The following ADGRA3 variants were observed in gnomAD, a reference collection of about 807,000 sequenced individuals.
ADGRA3 encodes the protein adhesion G protein-coupled receptor A3, also known as G-protein coupled receptor 125.
Under a neutral mutation model 119.8 loss-of-function variants are expected in ADGRA3, and 56 were observed. The observed-to-expected ratio is 0.47, with a 90% CI of 0.38 to 0.58. The LOEUF (loss-of-function observed/expected upper bound fraction) is 0.58, where lower values mean the gene tolerates loss of function less well. Among genes scored for constraint, ADGRA3 ranks in the 20% least tolerant of loss-of-function variants. The probability of loss-of-function intolerance (pLI) is 0.00; values close to 1 mark genes in which losing one functional copy is unlikely to be tolerated. For synonymous variants in ADGRA3, 607 were observed against 623.8 expected (o/e 0.97, Z 0.40); for missense variants, 1,516 against 1,649.0 (o/e 0.92, Z 1.40).
rs916956276 is a variant in ADGRA3 at position 22,448,326 on chromosome 4, C to T, written c.474-815G>A. Among the ~76,000 whole-genome samples the T allele has an allele frequency of 1.1e-4, 17 of 152,288 alleles. No individual in the cohort carries two copies. The South Asian group carries it at 1.5e-3, about 13-fold the overall frequency. On this transcript the variant is annotated intron_variant, in intron 4 of 18. Transcript: ENST00000334304. ...TTGCTCAGGATGTACACCTCAACTT[C>T]AGGGGACTTCTAATGCTAAAATGAG...
intron 2 of ADGRA3, among the ~76,000 whole-genome samples, chr4:22,468,952 T>C (rs939925720): frequency 1.3e-5 from 2 of 152,066 alleles, no homozygotes; most frequent in African/African-American, 4.8e-5. Flanking sequence ...CTAATAATAA[T>C]GTTTTTTAGC....
At chr4:22,479,425 T>C (rs1239736933) in intron 1 of ADGRA3, among the ~76,000 whole-genome samples, 1 of 150,656 alleles carries the variant, frequency 6.6e-6, no homozygotes, top group African/African-American at 2.5e-5. Flanking sequence ...ATCACGCCAC[T>C]GCACTCCAGC....
chr4:22,388,510 C>CTAA lies in ADGRA3; in HGVS notation c.3158_3160dup (p.Val1053_Arg1054insIle). On this transcript the variant is annotated inframe_insertion, in exon 19 of 19. Transcript: ENST00000334304. ...GCAGCAAGTCATGATCCACGCAAGTCTAACATCCTCCCTATTAACACAATG... is the reference window on the plus strand; with the variant it reads ...GCAGCAAGTCATGATCCACGCAAGTCTAATAACATCCTCCCTATTAACACAATG... 1 of 1,614,100 alleles carries CTAA rather than the reference C, an allele frequency of 6.2e-7. No individual in the cohort carries two copies. The highest frequency in any genetic ancestry group is 1.3e-5 in the African/African-American group (1 of 75,030).
At chr4:22,477,641 T>A (rs1718095985) in intron 1 of ADGRA3, 1 of 152,202 alleles carries the variant, frequency 6.6e-6, no homozygotes, top group African/African-American at 2.4e-5. Flanking sequence ...CCAGAATGCT[T>A]CGGCCAAAGG....
intron 1 of ADGRA3, among the ~76,000 whole-genome samples, chr4:22,499,289 T>C (rs1208680056): frequency 4.6e-5 from 7 of 152,206 alleles, no homozygotes; most frequent in African/African-American, 7.2e-5. Flanking sequence ...TGTAAAATCA[T>C]AGAACTTTAG....
Position 22,433,455 on chromosome 4 carries a change from A to G in ADGRA3, c.1443+1856T>C, listed in dbSNP as rs558280804. 9.2e-5 allele frequency among the ~76,000 whole-genome samples: 14 copies of G among 152,286 alleles called. No individual in the cohort carries two copies. The South Asian group carries it at 2.1e-3, about 23-fold the overall frequency. ...ATTATACAGAGAAAATAGCATCCCCATTTGAAAAATGAAGAATAAGCCCAT... is the reference window on the plus strand; with the variant it reads ...ATTATACAGAGAAAATAGCATCCCCGTTTGAAAAATGAAGAATAAGCCCAT... On this transcript the variant is annotated intron_variant, in intron 10 of 18. Transcript: ENST00000334304.
At chr4:22,415,286 T>C (rs1188970780) in intron 12 of ADGRA3, among the ~76,000 whole-genome samples, 1 of 152,218 alleles carries the variant, frequency 6.6e-6, no homozygotes, top group African/African-American at 2.4e-5. Flanking sequence ...AATGATTGAC[T>C]TTAGAATTAA....
chr4:22,408,281 A>G (rs191458454), intron 14 of ADGRA3, among the ~76,000 whole-genome samples: 30 of 152,156 alleles, frequency 2.0e-4, no homozygotes, highest in Admixed American at 7.2e-4. Flanking sequence ...CTAAAACAAC[A>G]ACAACAACCA....
At chr4:22,494,136 C>T (rs1389995579) in intron 1 of ADGRA3, among the ~76,000 whole-genome samples, 5 of 150,334 alleles carry the variant, frequency 3.3e-5, no homozygotes, top group Non-Finnish European at 7.4e-5. Flanking sequence ...ACCTGGGAGG[C>T]GGAGGTTGCA....
intron 10 of ADGRA3, among the ~76,000 whole-genome samples, chr4:22,432,477 C>T (rs1716223918): frequency 6.6e-6 from 1 of 152,006 alleles, no homozygotes; most frequent in South Asian, 2.1e-4. Context: ...GAAGCGATGA[C>T]ACTTTAAAAT....
intron 1 of ADGRA3, among the ~76,000 whole-genome samples, chr4:22,492,969 CCTTT>C (rs1380468147): frequency 6.8e-6 from 1 of 147,430 alleles, no homozygotes; most frequent in Non-Finnish European, 1.5e-5. Context: ...TTGATCTCCA[CCTTT>C]CTTTTTTTAA....
intron 4 of ADGRA3, among the ~76,000 whole-genome samples, chr4:22,449,417 A>G (rs1385231176): frequency 6.6e-6 from 1 of 152,156 alleles, no homozygotes; most frequent in African/African-American, 2.4e-5. Flanking sequence ...CATGGTAGGT[A>G]AAACTGAAGT....
chr4:22,427,783 G>A (rs948529963), intron 10 of ADGRA3, among the ~76,000 whole-genome samples: 1 of 152,166 alleles, frequency 6.6e-6, no homozygotes, highest in Non-Finnish European at 1.5e-5. Flanking sequence ...ACTGCAACCA[G>A]TGTAAGGAGC....
chr4:22,436,560 G>C lies in ADGRA3; in HGVS notation c.1167C>G (p.Asn389Lys). The change falls in exon 9 of 19, where the codon AAC becomes AAG. Residue 389 changes from asparagine to lysine, a missense_variant. By Grantham distance (94) the Asn-to-Lys change is moderately conservative. This residue lies in a region of ADGRA3 where 428 missense variants were observed against 541.9 expected (regional missense o/e 0.79). Transcript: ENST00000334304. ...GCCAAGCTTTTCTCTCATCCTGTGG[G>C]TTTCCGGGATATATCCCACTGCCAT... Reference protein sequence around the residue: ...NTHGSGIYPGNPQDERKAWRR... With the variant: ...NTHGSGIYPGKPQDERKAWRR... 6.2e-7 allele frequency: 1 copy of C among 1,613,966 alleles called. No homozygotes were observed. Among genetic ancestry groups the C allele is most frequent in the Non-Finnish European group, 8.5e-7 (1 of 1,179,960 alleles).
At chr4:22,432,390 A>T (rs572465404) in intron 10 of ADGRA3, among the ~76,000 whole-genome samples, 84 of 151,758 alleles carry the variant, frequency 5.5e-4, no homozygotes, top group African/African-American at 2.0e-3. Flanking sequence ...GTCCTAGAAA[A>T]GCTTAATAAT....
intron 1 of ADGRA3, among the ~76,000 whole-genome samples, chr4:22,508,395 A>G (rs1051785136): frequency 1.9e-4 from 29 of 152,342 alleles, no homozygotes; most frequent in South Asian, 2.1e-4. Flanking sequence ...AATAATTTGT[A>G]TAAAAGACTG....
At chr4:22,512,717 A>T (rs889060201) in intron 1 of ADGRA3, among the ~76,000 whole-genome samples, 3 of 152,180 alleles carry the variant, frequency 2.0e-5, no homozygotes, top group African/African-American at 7.2e-5. Flanking sequence ...CGCAAGCATG[A>T]ATTCTTCCTA....
chr4:22,404,258 A>T (rs1208958534), intron 14 of ADGRA3, among the ~76,000 whole-genome samples: 1 of 130,308 alleles, frequency 7.7e-6, no homozygotes, highest in East Asian at 3.8e-4. Flanking sequence ...TAAAAAAAAG[A>T]AAGGAAGAGA....
chr4:22,460,169 C>T (rs1017549300), intron 3 of ADGRA3, among the ~76,000 whole-genome samples: 1 of 152,170 alleles, frequency 6.6e-6, no homozygotes. Flanking sequence ...TGCAGGTGCT[C>T]TCTCCTTTCC....
Sources: gnomAD v4.1 joint callset for allele counts (sites outside exome capture counted in the v4.1 genomes callset) on GRCh38, gnomAD v4.1.1 for gene constraint, gnomAD v4.1.1 regional missense constraint, MANE v1.5 for transcripts, NCBI Gene and HGNC (gene_info 2026-07-23, HGNC 2026-07-21) for gene names.